CLPTM1: variants seen among roughly 807,000 people sequenced by gnomAD.
CLPTM1 encodes the protein putative lipid scramblase CLPTM1.
Under a neutral mutation model 77.3 loss-of-function variants are expected in CLPTM1, and 21 were observed. That is an observed-to-expected ratio of 0.27 (90% CI 0.19 to 0.39). The LOEUF is 0.39. CLPTM1 is among the 10% of genes least tolerant of loss of function. The pLI, the probability that CLPTM1 is intolerant of heterozygous loss-of-function variation, is 1.00. For synonymous variants in CLPTM1, 373 were observed against 381.0 expected, an observed-to-expected ratio of 0.98 and a Z score of 0.24; for missense variants, 642 against 921.2, an observed-to-expected ratio of 0.70 and a Z score of 3.92.
intron 5 of CLPTM1, among the ~76,000 whole-genome samples, chr19:44,981,940 A>C (rs577240700): frequency 1.2e-4 from 18 of 152,284 alleles, no homozygotes; most frequent in African/African-American, 4.3e-4. Context: ...AAAAACCATG[A>C]GATTAATATC....
chr19:44,972,740 GC>G (rs1177281667), intron 2 of CLPTM1, among the ~76,000 whole-genome samples: 2 of 151,862 alleles, frequency 1.3e-5, no homozygotes, highest in East Asian at 3.9e-4. Context: ...ATCCCAGGGG[GC>G]TGGATGGCAG....
intron 2 of CLPTM1, among the ~76,000 whole-genome samples, chr19:44,964,212 A>C (rs1970589936): frequency 6.6e-6 from 1 of 151,608 alleles, no homozygotes; most frequent in South Asian, 2.1e-4. Context: ...TTGAGACTTT[A>C]ACATATGAAT....
upstream of CLPTM1, chr19:44,954,852 CTT>C: frequency 8.3e-7 from 1 of 1,206,138 alleles, no homozygotes; most frequent in Middle Eastern, 2.8e-4. Flanking sequence ...GCTCAGGAGA[CTT>C]GAACGAAAGA....
intron 2 of CLPTM1, among the ~76,000 whole-genome samples, chr19:44,970,502 T>G (rs1970701375): frequency 7.2e-6 from 1 of 138,872 alleles, no homozygotes; most frequent in Non-Finnish European, 1.5e-5. Context: ...TGGGCTCAGG[T>G]GATTCTCCCA....
chr19:44,964,602 C>T (rs1456766776), intron 2 of CLPTM1, among the ~76,000 whole-genome samples: 1 of 152,128 alleles, frequency 6.6e-6, no homozygotes, highest in Non-Finnish European at 1.5e-5. Flanking sequence ...TGAGCCACCA[C>T]GCTTGGCCCA....
At chr19:44,963,735 T>C (rs1170849006) in intron 2 of CLPTM1, among the ~76,000 whole-genome samples, 5 of 152,190 alleles carry the variant, frequency 3.3e-5, no homozygotes, top group African/African-American at 1.2e-4. Context: ...TTCTCCTGCC[T>C]CAGCCTCCTG....
At chr19:44,958,128 C>T (rs1312243657) in intron 1 of CLPTM1, among the ~76,000 whole-genome samples, 3 of 152,032 alleles carry the variant, frequency 2.0e-5, no homozygotes, top group Non-Finnish European at 2.9e-5. Flanking sequence ...GAGGAGGTGA[C>T]GCTTGAACAA....
At chr19:44,955,069 C>G, upstream of CLPTM1, 1 of 1,535,646 alleles carries the variant, frequency 6.5e-7, no homozygotes, top group Non-Finnish European at 8.7e-7. Flanking sequence ...TCCCGAAAGG[C>G]TCATATAACC....
Position 44,985,320 on chromosome 19 carries a change from G to T in CLPTM1, c.672+17G>T, listed in dbSNP as rs1970960973. Reference sequence around the variant, plus strand: ...ATGATCAAGGTAAATGGGCAGGGTTGTCAGGGCCTATAGGGACCAAGCCAG... The same window carrying T: ...ATGATCAAGGTAAATGGGCAGGGTTTTCAGGGCCTATAGGGACCAAGCCAG... On this transcript the variant is annotated intron_variant, in intron 6 of 13. Coordinates refer to ENST00000337392, the MANE Select transcript of CLPTM1 (RefSeq NM_001294.4). 6.4e-7 allele frequency: 1 copy of T among 1,571,450 alleles called. No individual in the cohort carries two copies. The highest frequency in any genetic ancestry group is 8.8e-7 in the Non-Finnish European group (1 of 1,142,076).
upstream of CLPTM1, chr19:44,954,610 A>C (rs1055547503): frequency 2.2e-5 from 23 of 1,045,112 alleles, no homozygotes; most frequent in Non-Finnish European, 2.4e-5. Context: ...GTCTCTCAGC[A>C]GATGGCCGGG....
rs111577542 is a variant in CLPTM1 at position 44,983,040 on chromosome 19, AAC to A, written c.587-2176_587-2175del. On this transcript the variant is annotated intron_variant, in intron 5 of 13. Coordinates refer to ENST00000337392, the MANE Select transcript of CLPTM1 (RefSeq NM_001294.4). ...CATGCCACTGCTCTCTAGCCTGGGC[AAC>A]AGAGTGAGACTCCATCTCAAAAAAA... Among the ~76,000 whole-genome samples the A allele has an allele frequency of 5.0e-3, 755 of 151,726 alleles. 7 individuals carry two copies. Among genetic ancestry groups the A allele is most frequent in the African/African-American group, 0.017 (702 of 41,392 alleles).
At chr19:44,966,758 C>T (rs889753963) in intron 2 of CLPTM1, among the ~76,000 whole-genome samples, 2 of 151,250 alleles carry the variant, frequency 1.3e-5, no homozygotes, top group African/African-American at 4.9e-5. Flanking sequence ...CGCACACAGA[C>T]AATGTTGGCC....
chr19:44,980,931 G>A (rs968257800), intron 5 of CLPTM1, among the ~76,000 whole-genome samples: 4 of 150,632 alleles, frequency 2.7e-5, no homozygotes, highest in Admixed American at 2.7e-4. Flanking sequence ...TCTGCCTCCC[G>A]GGTTCACGCC....
At chr19:44,975,507 A>G (rs532226545) in intron 4 of CLPTM1, among the ~76,000 whole-genome samples, 25 of 151,228 alleles carry the variant, frequency 1.7e-4, no homozygotes, top group African/African-American at 4.4e-4. Flanking sequence ...TTTCTGTTCT[A>G]TTTCTGTCTG....
chr19:44,963,349 G>C (rs570310947), intron 2 of CLPTM1, among the ~76,000 whole-genome samples: 34 of 146,368 alleles, frequency 2.3e-4, no homozygotes, highest in African/African-American at 8.0e-4. Context: ...TTTTTGAGAC[G>C]GAGTCTCGCT....
At chr19:44,955,578 A>G (rs1054274937) in intron 1 of CLPTM1, 111 bp downstream of exon 1, 5 of 1,006,874 alleles carry the variant, frequency 5.0e-6, no homozygotes, top group African/African-American at 1.7e-5. Flanking sequence ...CTCCTTGGCC[A>G]GAGGGACCTT....
chr19:44,978,810 T>A (rs1970846198), intron 5 of CLPTM1, among the ~76,000 whole-genome samples: 1 of 149,782 alleles, frequency 6.7e-6, no homozygotes, highest in East Asian at 2.0e-4. Context: ...GGATTAAGTT[T>A]CACTGGGAGT....
intron 1 of CLPTM1, among the ~76,000 whole-genome samples, chr19:44,960,404 T>G (rs1438092999): frequency 1.3e-5 from 2 of 152,236 alleles, no homozygotes; most frequent in Non-Finnish European, 2.9e-5. Context: ...GTCTAAAATG[T>G]TCCAGTATTT....
chr19:44,963,020 G>A lies in CLPTM1; in HGVS notation c.185+945G>A, dbSNP rs551088339. Reference sequence around the variant, plus strand: ...AGCCTGGGCAACAGAGAAAGACTCCGTCTCAAAAAAAATAAAAAATACAAA... The same window carrying A: ...AGCCTGGGCAACAGAGAAAGACTCCATCTCAAAAAAAATAAAAAATACAAA... On this transcript the variant is annotated intron_variant, in intron 2 of 13. Transcript: ENST00000337392. Among the ~76,000 whole-genome samples the A allele has an allele frequency of 1.5e-4, 23 of 148,964 alleles. No homozygotes were observed. In the East Asian group the frequency reaches 1.6e-3, roughly 10 times the overall value.
Sources: gnomAD v4.1 joint callset for allele counts (sites outside exome capture counted in the v4.1 genomes callset) on GRCh38, gnomAD v4.1.1 for gene constraint, MANE v1.5 for transcripts, NCBI Gene and HGNC (gene_info 2026-07-23, HGNC 2026-07-21) for gene names.